The following BMPR1B variants were observed in gnomAD, a reference collection of about 807,000 sequenced individuals.
BMPR1B encodes bone morphogenetic protein receptor type-1B.
Under a neutral mutation model 59.1 loss-of-function variants are expected in BMPR1B, and 12 were observed. The observed-to-expected ratio is 0.20, with a 90% CI of 0.13 to 0.33. The LOEUF is 0.33. BMPR1B is among the 10% of genes least tolerant of loss of function. BMPR1B has a pLI of 1.00. For missense variants in BMPR1B, 550 were observed against 610.9 expected (o/e 0.90, Z 1.05); for synonymous variants, 237 against 207.3 (o/e 1.14, Z -1.23).
intron 3 of BMPR1B, among the ~76,000 whole-genome samples, chr4:95,094,581 T>G (rs1363356181): frequency 6.6e-6 from 1 of 152,106 alleles, no homozygotes; most frequent in Non-Finnish European, 1.5e-5. Flanking sequence ...TAGTTGATGC[T>G]TTATGTGGAT....
intron 2 of BMPR1B, among the ~76,000 whole-genome samples, chr4:94,985,345 A>G (rs561689944): frequency 8.1e-4 from 124 of 152,296 alleles, no homozygotes; most frequent in African/African-American, 3.0e-3. Flanking sequence ...CAGAGGAAAG[A>G]AAAGGAGACA....
At chr4:94,813,443 G>A (rs1277114976) in intron 1 of BMPR1B, among the ~76,000 whole-genome samples, 3 of 152,160 alleles carry the variant, frequency 2.0e-5, no homozygotes, top group African/African-American at 7.2e-5. Flanking sequence ...GTGGAAACCT[G>A]ACTGGCCTGA....
chr4:95,133,345 T>C (rs1248764454), intron 10 of BMPR1B, among the ~76,000 whole-genome samples: 1 of 152,200 alleles, frequency 6.6e-6, no homozygotes, highest in Non-Finnish European at 1.5e-5. Flanking sequence ...AAAATGTAGT[T>C]AGAGTCCCTT....
chr4:95,058,697 C>A (rs574799456), intron 3 of BMPR1B, among the ~76,000 whole-genome samples: 25 of 152,294 alleles, frequency 1.6e-4, no homozygotes, highest in African/African-American at 6.0e-4. Context: ...TCTGTTATTA[C>A]ATTTATAGAA....
At chr4:94,824,409 C>T (rs1724312125) in intron 1 of BMPR1B, among the ~76,000 whole-genome samples, 1 of 152,190 alleles carries the variant, frequency 6.6e-6, no homozygotes, top group Admixed American at 6.5e-5. Flanking sequence ...GCACTGTGAG[C>T]ATGTGAACAG....
chr4:95,059,974 A>G (rs1207743745), intron 3 of BMPR1B, among the ~76,000 whole-genome samples: 2 of 152,190 alleles, frequency 1.3e-5, no homozygotes, highest in African/African-American at 2.4e-5. Flanking sequence ...GCAGATGTTC[A>G]TTGAGCACTG....
chr4:94,838,744 T>G (rs1724924022), intron 1 of BMPR1B, among the ~76,000 whole-genome samples: 1 of 133,958 alleles, frequency 7.5e-6, no homozygotes, highest in Admixed American at 7.3e-5. Context: ...AAGGGTTTTT[T>G]GTGTCTCTAT....
At chr4:95,085,778 T>A (rs1489560936) in intron 3 of BMPR1B, among the ~76,000 whole-genome samples, 2 of 152,226 alleles carry the variant, frequency 1.3e-5, no homozygotes, top group Non-Finnish European at 2.9e-5. Flanking sequence ...TTCTGGGGCA[T>A]GAGCATTCAG....
chr4:94,841,755 G>T (rs1453204278), intron 1 of BMPR1B, among the ~76,000 whole-genome samples: 2 of 152,118 alleles, frequency 1.3e-5, no homozygotes, highest in Non-Finnish European at 2.9e-5. Context: ...GACCGGAGCT[G>T]TTCCTATTCG....
At chr4:94,988,935 T>C (rs1056480729) in intron 2 of BMPR1B, among the ~76,000 whole-genome samples, 3 of 152,102 alleles carry the variant, frequency 2.0e-5, no homozygotes, top group Admixed American at 6.6e-5. Flanking sequence ...CAATTTTCTT[T>C]CTCCTCATTC....
chr4:94,887,545 A>G (rs1727231686), intron 2 of BMPR1B, among the ~76,000 whole-genome samples: 1 of 151,870 alleles, frequency 6.6e-6, no homozygotes, highest in African/African-American at 2.4e-5. Context: ...AAAAGCAGGG[A>G]GAGATGAAAA....
At chr4:94,965,208 C>T (rs961243308) in intron 2 of BMPR1B, among the ~76,000 whole-genome samples, 10 of 152,038 alleles carry the variant, frequency 6.6e-5, no homozygotes, top group Admixed American at 2.6e-4. Flanking sequence ...GCCATATGTA[C>T]GTTATTTACC....
At position 94,874,521 on chromosome 4, in the gene BMPR1B, C is replaced by T. The variant is rs531879130; in HGVS notation, c.-182-1310C>T. ...AAATATAGAAAAATATATTTTATATCAATTAAAATCTAATTGTGATTTATA... is the reference window on the plus strand; with the variant it reads ...AAATATAGAAAAATATATTTTATATTAATTAAAATCTAATTGTGATTTATA... On this transcript the variant is annotated intron_variant, in intron 1 of 12. Transcript: ENST00000515059. Among the ~76,000 whole-genome samples, 38 of 152,036 alleles carry T rather than the reference C, an allele frequency of 2.5e-4. 1 individual carries two copies. The South Asian group carries it at 7.7e-3, about 31-fold the overall frequency.
intron 10 of BMPR1B, among the ~76,000 whole-genome samples, chr4:95,145,720 C>A (rs1221730517): frequency 6.6e-6 from 1 of 152,158 alleles, no homozygotes; most frequent in African/African-American, 2.4e-5. Flanking sequence ...AGGGGCAGAG[C>A]TAAATGTTTT....
intron 3 of BMPR1B, among the ~76,000 whole-genome samples, chr4:95,041,353 A>AT (rs201482752): frequency 8.6e-5 from 13 of 151,294 alleles, no homozygotes; most frequent in South Asian, 6.3e-4. Context: ...GTGGTCTATA[A>AT]TTTTTTTTTA....
chr4:94,848,693 A>G (rs926051381), intron 1 of BMPR1B, among the ~76,000 whole-genome samples: 1 of 152,202 alleles, frequency 6.6e-6, no homozygotes, highest in Non-Finnish European at 1.5e-5. Context: ...TGGCTGCTGC[A>G]TGGATAGGAA....
chr4:94,987,313 T>G (rs2149094261), intron 2 of BMPR1B, among the ~76,000 whole-genome samples: 1 of 149,492 alleles, frequency 6.7e-6, no homozygotes, highest in South Asian at 2.1e-4. Flanking sequence ...CTTTGCAATT[T>G]AAATCTTCCA....
chr4:94,772,525 T>C (rs1467469385), intron 1 of BMPR1B, among the ~76,000 whole-genome samples: 1 of 152,196 alleles, frequency 6.6e-6, no homozygotes, highest in African/African-American at 2.4e-5. Context: ...TATTTGATAT[T>C]ACAGGTACTA....
At chr4:94,981,005 A>ACGTGCGCG (rs34635740) in intron 2 of BMPR1B, among the ~76,000 whole-genome samples, 8 of 122,710 alleles carry the variant, frequency 6.5e-5, no homozygotes, top group African/African-American at 2.7e-4. Context: ...ACACACACAC[A>ACGTGCGCG]CACACACACA....
Sources: allele counts gnomAD v4.1 joint callset (sites outside exome capture counted in the v4.1 genomes callset), GRCh38; gene constraint gnomAD v4.1.1; transcripts MANE v1.5; gene names NCBI Gene and HGNC (gene_info 2026-07-23, HGNC 2026-07-21).